Variants in PLXDC2 observed in about 807,000 individuals in gnomAD.
PLXDC2 encodes the protein plexin domain containing 2.
Under a neutral mutation model 68.9 loss-of-function variants are expected in PLXDC2, and 40 were observed. The ratio of observed to expected loss-of-function variants is 0.58; its 90% confidence interval spans 0.45 to 0.76. The LOEUF (loss-of-function observed/expected upper bound fraction) is 0.76. PLXDC2 is among the 30% of genes least tolerant of loss of function. The pLI, the probability that PLXDC2 is intolerant of heterozygous loss-of-function variation, is 0.00. For synonymous variants in PLXDC2, 243 were observed against 234.2 expected (o/e 1.04, Z -0.34); for missense variants, 644 against 661.9 (o/e 0.97, Z 0.30).
At chr10:20,166,037 T>C (rs1192821685) in intron 7 of PLXDC2, among the ~76,000 whole-genome samples, 1 of 152,186 alleles carries the variant, frequency 6.6e-6, no homozygotes, top group Non-Finnish European at 1.5e-5. Context: ...TTTTTCTCTT[T>C]TGTTCAAAGT....
At position 20,287,979 on chromosome 10, in the gene PLXDC2, C is replaced by CCGGGG. The variant is rs1554781439; in HGVS notation, c.*8160_*8161insCGGGG. On this transcript the variant is annotated 3_prime_UTR_variant, in exon 14 of 14. Coordinates refer to ENST00000377252, the MANE Select transcript of PLXDC2 (RefSeq NM_032812.9). ...AGAAGAAATTGGGCACTTCTTGCGG[C>CCGGGG]GGGGGAGGGGGGGGGGGCGGTGGCT... The CCGGGG allele has an allele frequency of 1.6e-4, 2 of 12,392 alleles. No homozygotes were observed. Among genetic ancestry groups the CCGGGG allele is most frequent in the African/African-American group, 6.7e-4 (2 of 2,986 alleles). The allele number at this position is 12,392 out of a possible 1,614,324, so 0.8% of individuals were successfully genotyped here. A position where few individuals can be genotyped will look rare whatever the true frequency, so the allele number is the denominator to read the frequency against.
intron 3 of PLXDC2, among the ~76,000 whole-genome samples, chr10:20,052,722 C>CAAAAAAAAAA (rs59776582): frequency 2.2e-5 from 2 of 92,804 alleles, no homozygotes; most frequent in African/African-American, 7.7e-5. Context: ...ACAAATTATG[C>CAAAAAAAAAA]AAAAAAAAAA....
rs976448424 is a variant in PLXDC2 at position 20,234,668 on chromosome 10, T to C, written c.1313-10677T>C. ...TTTGTTTTCAGGGTTTCTTTCTTTT[T>C]TTTTTTTTTTTTTCCTTTTTCCTGC... On this transcript the variant is annotated intron_variant, in intron 12 of 13. Transcript: ENST00000377252. 2.5e-3 allele frequency among the ~76,000 whole-genome samples: 384 copies of C among 151,088 alleles called. 2 individuals carry two copies. The highest frequency in any genetic ancestry group is 8.5e-3 in the African/African-American group (351 of 41,334).
At chr10:19,912,654 T>A (rs1349909615) in intron 1 of PLXDC2, among the ~76,000 whole-genome samples, 1 of 152,162 alleles carries the variant, frequency 6.6e-6, no homozygotes, top group Non-Finnish European at 1.5e-5. Flanking sequence ...TTACTTACTT[T>A]AAAAACGGTA....
At chr10:20,077,898 C>T (rs1307754389) in intron 4 of PLXDC2, among the ~76,000 whole-genome samples, 1 of 152,102 alleles carries the variant, frequency 6.6e-6, no homozygotes, top group Non-Finnish European at 1.5e-5. Flanking sequence ...TCTGAAAAAA[C>T]ATTTTTTTCT....
At chr10:20,242,514 A>T (rs1835530296) in intron 12 of PLXDC2, among the ~76,000 whole-genome samples, 1 of 152,198 alleles carries the variant, frequency 6.6e-6, no homozygotes, top group South Asian at 2.1e-4. Flanking sequence ...GTCATTTATT[A>T]TAGCCTCATT....
intron 9 of PLXDC2, among the ~76,000 whole-genome samples, chr10:20,197,823 G>C (rs1038220361): frequency 6.6e-6 from 1 of 151,986 alleles, no homozygotes; most frequent in African/African-American, 2.4e-5. Context: ...AGAGGTTGAA[G>C]ATCTTTCATA....
chr10:20,063,583 T>C (rs1836142197), intron 3 of PLXDC2, among the ~76,000 whole-genome samples: 1 of 134,110 alleles, frequency 7.5e-6, no homozygotes, highest in Non-Finnish European at 1.5e-5. Flanking sequence ...ATAATTCCTG[T>C]GTTATTAAAA....
chr10:19,905,515 A>G (rs12775107), intron 1 of PLXDC2, among the ~76,000 whole-genome samples: 16,314 of 152,178 alleles, frequency 0.11, 875 homozygotes, highest in South Asian at 0.13. Flanking sequence ...TGATCTTGGG[A>G]AGACTCACAT....
chr10:20,057,099 A>G (rs1050695833), intron 3 of PLXDC2, among the ~76,000 whole-genome samples: 4 of 152,186 alleles, frequency 2.6e-5, no homozygotes, highest in South Asian at 2.1e-4. Flanking sequence ...TCAGGAGCCT[A>G]TGAAGACTTA....
chr10:20,093,260 C>T (rs750056380), intron 4 of PLXDC2, among the ~76,000 whole-genome samples: 16 of 152,026 alleles, frequency 1.1e-4, no homozygotes, highest in Non-Finnish European at 2.1e-4. Flanking sequence ...TGTTTTCTTT[C>T]TCTCTCCCCA....
At chr10:20,132,017 C>T (rs953023787) in intron 4 of PLXDC2, among the ~76,000 whole-genome samples, 4 of 152,110 alleles carry the variant, frequency 2.6e-5, no homozygotes, top group African/African-American at 9.7e-5. Flanking sequence ...GCTGTTGCTG[C>T]ATCCCATAAA....
At chr10:19,856,924 G>A (rs1292970075) in intron 1 of PLXDC2, among the ~76,000 whole-genome samples, 1 of 152,096 alleles carries the variant, frequency 6.6e-6, no homozygotes, top group Non-Finnish European at 1.5e-5. Context: ...AAATCATCAG[G>A]GAAGATAGAT....
At chr10:20,101,319 C>T (rs1414714260) in intron 4 of PLXDC2, among the ~76,000 whole-genome samples, 1 of 152,114 alleles carries the variant, frequency 6.6e-6, no homozygotes, top group African/African-American at 2.4e-5. Flanking sequence ...GAATTATGCA[C>T]CCAAATAAAG....
At chr10:20,133,383 T>C (rs1022975381) in intron 4 of PLXDC2, among the ~76,000 whole-genome samples, 4 of 152,166 alleles carry the variant, frequency 2.6e-5, no homozygotes, top group African/African-American at 9.6e-5. Flanking sequence ...TCTTGTGAGG[T>C]AGTCCTAATG....
intron 1 of PLXDC2, among the ~76,000 whole-genome samples, chr10:19,909,406 G>A (rs182170531): frequency 3.3e-5 from 5 of 152,266 alleles, no homozygotes; most frequent in Admixed American, 3.3e-4. Flanking sequence ...CCAAATGCAA[G>A]TTAGCAAGAA....
rs1181393820 is a variant in PLXDC2 at position 20,162,071 on chromosome 10, AGAAG to A, written c.784-2341_784-2338del. Among the ~76,000 whole-genome samples the A allele has an allele frequency of 5.9e-3, 266 of 44,828 alleles. 1 individual carries two copies. Among genetic ancestry groups the A allele is most frequent in the South Asian group, 0.039 (46 of 1,192 alleles). The allele number at this position is 44,828 out of a possible 152,430, so 29.4% of individuals were successfully genotyped here. ...GAGAGAGAGAGAGAGAGAGAGAGAGAGAAGGAAGGAAGGAAGGAAGGAAGGAAGG... is the reference window on the plus strand; with the variant it reads ...GAGAGAGAGAGAGAGAGAGAGAGAGAGAAGGAAGGAAGGAAGGAAGGAAGG... On this transcript the variant is annotated intron_variant, in intron 6 of 13. Transcript: ENST00000377252.
chr10:19,927,565 G>C (rs1187068185), intron 1 of PLXDC2, among the ~76,000 whole-genome samples: 1 of 151,752 alleles, frequency 6.6e-6, no homozygotes, highest in African/African-American at 2.4e-5. Flanking sequence ...AGCTGGGCGT[G>C]GTGGCGCATG....
At chr10:20,123,337 G>A (rs530039149) in intron 4 of PLXDC2, among the ~76,000 whole-genome samples, 2 of 152,238 alleles carry the variant, frequency 1.3e-5, no homozygotes, top group African/African-American at 2.4e-5. Flanking sequence ...GATTTGGGAT[G>A]AGTTGCATTG....
Sources: gnomAD v4.1 joint callset for allele counts (sites outside exome capture counted in the v4.1 genomes callset) on GRCh38, gnomAD v4.1.1 for gene constraint, MANE v1.5 for transcripts, NCBI Gene and HGNC (gene_info 2026-07-23, HGNC 2026-07-21) for gene names.